The following CDC42BPA variants were observed in gnomAD, a reference collection of about 807,000 sequenced individuals.
CDC42BPA encodes CDC42 binding protein kinase alpha.
A neutral mutation model predicts 223.5 loss-of-function variants in CDC42BPA; 80 were observed. The ratio of observed to expected loss-of-function variants is 0.36; its 90% CI spans 0.30 to 0.43. CDC42BPA has a LOEUF of 0.43. Ranked by LOEUF, CDC42BPA falls within the 20% of genes least tolerant of loss-of-function variation. CDC42BPA has a pLI of 1.00. For missense variants in CDC42BPA, 1,743 were observed against 2,099.9 expected, an observed-to-expected ratio of 0.83 and a Z score of 3.32; for synonymous variants, 694 against 718.6, an observed-to-expected ratio of 0.97 and a Z score of 0.55.
intron 1 of CDC42BPA, among the ~76,000 whole-genome samples, chr1:227,306,795 G>A (rs1054273686): frequency 3.3e-5 from 5 of 152,084 alleles, no homozygotes; most frequent in African/African-American, 4.8e-5. Context: ...GTTTCATTGC[G>A]GGGGCTTTTC....
In CDC42BPA at chr1:226,994,105, G is replaced by T; in HGVS notation, c.*163C>A. 1 of 587,586 alleles carries T rather than the reference G, an allele frequency of 1.7e-6. No individual in the cohort carries two copies. The highest frequency in any genetic ancestry group is 3.1e-5 in the East Asian group (1 of 32,654). The allele number at this position is 587,586 out of a possible 1,614,324, so 36.4% of individuals were successfully genotyped here. A position where few individuals can be genotyped will look rare whatever the true frequency, so the allele number is the denominator to read the frequency against. The stretch of plus-strand genomic sequence containing the variant: ...TTGTTGCTGTTAGGCTGGGGGCGTG[G>T]ATCTGAGAGTCGTGTCGTCAGAACT... On this transcript the variant is annotated 3_prime_UTR_variant, in exon 37 of 37. Coordinates refer to ENST00000366766, the MANE Select transcript of CDC42BPA (RefSeq NM_001394014.1). This position sits in a 1 kb window ranked among gnomAD's most constrained non-coding sequence, Gnocchi z 4.0.
At chr1:227,071,995 C>T (rs914181210) in intron 20 of CDC42BPA, among the ~76,000 whole-genome samples, 3 of 151,702 alleles carry the variant, frequency 2.0e-5, no homozygotes, top group Non-Finnish European at 3.0e-5. Context: ...TTAAACAATG[C>T]ATATTAAGTA....
In CDC42BPA at chr1:227,317,305, T is replaced by C. The variant is rs1040859554; in HGVS notation, c.-123A>G. The stretch of plus-strand genomic sequence containing the variant: ...CCACTTGTTATTCAAACAACTGTCA[T>C]GCAATGCTGGTGCTGAATTAAACAT... On this transcript the variant is annotated 5_prime_UTR_variant, in exon 1 of 37. It removes an upstream start codon present in the reference 5' UTR. Coordinates refer to ENST00000366766, the MANE Select transcript of CDC42BPA (RefSeq NM_001394014.1). 3.0e-6 allele frequency: 3 copies of C among 1,014,914 alleles called. No homozygotes were observed. Among genetic ancestry groups the C allele is most frequent in the South Asian group, 3.5e-5 (2 of 56,344 alleles). 62.9% of individuals were successfully genotyped at this position (1,014,914 alleles called of 1,614,324 possible). A position where few individuals can be genotyped will look rare whatever the true frequency, so the allele number is the denominator to read the frequency against.
intron 1 of CDC42BPA, among the ~76,000 whole-genome samples, chr1:227,304,705 G>A (rs903727270): frequency 2.0e-5 from 3 of 152,160 alleles, no homozygotes; most frequent in Admixed American, 6.5e-5. Context: ...TAACCAATAT[G>A]TGAAAAGTCA....
At chr1:227,047,677 A>G (rs768831376) in intron 23 of CDC42BPA, among the ~76,000 whole-genome samples, 1 of 152,180 alleles carries the variant, frequency 6.6e-6, no homozygotes, top group Non-Finnish European at 1.5e-5. Context: ...TGAGGCATAT[A>G]CTGCTTAGAG....
chr1:227,291,727 CATCAGGT>C (rs1312336489), intron 1 of CDC42BPA, among the ~76,000 whole-genome samples: 6 of 125,360 alleles, frequency 4.8e-5, no homozygotes, highest in Non-Finnish European at 9.9e-5. Context: ...AACCAGTTTG[CATCAGGT>C]TTTCTGTTCC....
intron 4 of CDC42BPA, among the ~76,000 whole-genome samples, chr1:227,197,984 C>CA (rs1390619533): frequency 1.3e-5 from 2 of 152,092 alleles, no homozygotes; most frequent in Admixed American, 6.5e-5. Flanking sequence ...CTAGCACATA[C>CA]AAAAAACTCT....
chr1:227,084,545 AT>A (rs34394607), intron 16 of CDC42BPA, among the ~76,000 whole-genome samples: 11,902 of 145,336 alleles, frequency 0.082, 480 homozygotes, highest in African/African-American at 0.14. Flanking sequence ...AAAAAAAAAA[AT>A]TTTTTTTTCA....
intron 32 of CDC42BPA, among the ~76,000 whole-genome samples, chr1:227,017,457 C>G (rs1182581485): frequency 6.6e-6 from 1 of 151,962 alleles, no homozygotes; most frequent in Non-Finnish European, 1.5e-5. Flanking sequence ...GAACAGTAAT[C>G]AGGCATAAAT....
intron 1 of CDC42BPA, among the ~76,000 whole-genome samples, chr1:227,278,049 A>G (rs1293367384): frequency 1.3e-5 from 2 of 152,136 alleles, no homozygotes; most frequent in African/African-American, 2.4e-5. Flanking sequence ...GCACCCAGCC[A>G]CCCTTAGTAG....
chr1:227,029,275 C>A, intron 29 of CDC42BPA, 25 bp from the exon 30 acceptor site: 1 of 1,420,010 alleles, frequency 7.0e-7, no homozygotes, highest in South Asian at 1.3e-5. Flanking sequence ...AATAATAAAT[C>A]AAAATATAGT....
chr1:227,175,679 AC>A (rs1054134298), intron 5 of CDC42BPA, among the ~76,000 whole-genome samples: 2 of 152,056 alleles, frequency 1.3e-5, no homozygotes, highest in Non-Finnish European at 2.9e-5. Flanking sequence ...TTCCCATCTT[AC>A]GCCACTAGTA....
chr1:227,240,004 A>T (rs1679760365), intron 2 of CDC42BPA, among the ~76,000 whole-genome samples: 1 of 152,136 alleles, frequency 6.6e-6, no homozygotes, highest in Admixed American at 6.6e-5. Context: ...ATCAGACAGC[A>T]GGACTGCTTA....
At chr1:227,140,205 G>T (rs537488078) in intron 9 of CDC42BPA, among the ~76,000 whole-genome samples, 15 of 152,212 alleles carry the variant, frequency 9.9e-5, no homozygotes, top group African/African-American at 3.6e-4. Context: ...TGGACATTTG[G>T]TGGTGAACAA....
intron 1 of CDC42BPA, among the ~76,000 whole-genome samples, chr1:227,264,138 A>G (rs1684582635): frequency 6.6e-6 from 1 of 152,244 alleles, no homozygotes; most frequent in Non-Finnish European, 1.5e-5. Flanking sequence ...ACAGGTTTAT[A>G]GACTTTTGCA....
At chr1:227,013,805 T>C (rs1008203805) in intron 34 of CDC42BPA, among the ~76,000 whole-genome samples, 2 of 152,136 alleles carry the variant, frequency 1.3e-5, no homozygotes, top group Non-Finnish European at 1.5e-5. Context: ...TGCTGATGTT[T>C]TGCTTTGCAA....
intron 6 of CDC42BPA, among the ~76,000 whole-genome samples, chr1:227,156,229 AGCCTTGACCAG>A (rs1324761035): frequency 6.6e-6 from 1 of 151,834 alleles, no homozygotes; most frequent in African/African-American, 2.4e-5. Context: ...CGGTCACTGC[AGCCTTGACCAG>A]GTCCCAAGCT....
At chr1:227,018,865 A>C (rs1252570935) in intron 32 of CDC42BPA, among the ~76,000 whole-genome samples, 1 of 152,222 alleles carries the variant, frequency 6.6e-6, no homozygotes, top group African/African-American at 2.4e-5. Context: ...CTTTATTGCC[A>C]AAAATGCTAA....
chr1:227,130,965 C>T (rs1398041694), intron 10 of CDC42BPA, among the ~76,000 whole-genome samples: 1 of 152,180 alleles, frequency 6.6e-6, no homozygotes, highest in African/African-American at 2.4e-5. Flanking sequence ...CAGGCATCCT[C>T]GCTCATTATT....
Sources: allele counts gnomAD v4.1 joint callset (sites outside exome capture counted in the v4.1 genomes callset), GRCh38; gene constraint gnomAD v4.1.1; non-coding constraint Gnocchi (gnomAD v3.1); transcripts MANE v1.5; gene names NCBI Gene and HGNC (gene_info 2026-07-23, HGNC 2026-07-21).